GRM4: variants seen among roughly 807,000 people sequenced by gnomAD.
The protein encoded by GRM4 is glutamate metabotropic receptor 4, also known as metabotropic glutamate receptor 4.
A neutral mutation model predicts 81.7 loss-of-function variants in GRM4; 28 were observed. That is an observed-to-expected ratio of 0.34 (90% CI 0.25 to 0.47). The LOEUF is 0.47. Among genes scored for constraint, GRM4 ranks in the 20% least tolerant of loss-of-function variants. GRM4 has a pLI of 1.00. For synonymous variants in GRM4, 488 were observed against 528.8 expected (o/e 0.92, Z 1.06); for missense variants, 948 against 1,290.0 (o/e 0.73, Z 4.06).
intron 2 of GRM4, among the ~76,000 whole-genome samples, chr6:34,095,468 TC>T (rs139430818): frequency 0.22 from 34,153 of 152,062 alleles, 4,595 homozygotes; most frequent in Admixed American, 0.31. Flanking sequence ...TTACTTCACC[TC>T]CCCGGCCTCA....
At chr6:34,029,399 C>A (rs181095448) in intron 9 of GRM4, among the ~76,000 whole-genome samples, 10 of 152,316 alleles carry the variant, frequency 6.6e-5, no homozygotes, top group Admixed American at 4.6e-4. Flanking sequence ...CAGGTCTGGA[C>A]TTGTTTCCTG....
At chr6:34,028,938 G>C (rs1040973732) in intron 9 of GRM4, among the ~76,000 whole-genome samples, 1 of 152,210 alleles carries the variant, frequency 6.6e-6, no homozygotes, top group Admixed American at 6.5e-5. Context: ...CACCCATCGC[G>C]ATATGGTGGT....
rs1352881206 is a variant in GRM4, at chr6:34,134,953, C to A, written c.-363-1094G>T. Among the ~76,000 whole-genome samples, 5 of 152,366 alleles carry A rather than the reference C, an allele frequency of 3.3e-5. No individual in the cohort carries two copies. In the East Asian group the frequency reaches 9.6e-4, roughly 29 times the overall value. On this transcript the variant is annotated intron_variant, in intron 1 of 10. Coordinates refer to ENST00000538487, the MANE Select transcript of GRM4 (RefSeq NM_000841.4). ...TCCCCACTCAAAGCCAGCAACCTCC[C>A]TCCCCACCACTTAGGAGGCCACAGG...
Position 34,022,830 on chromosome 6 carries a change from A to G in GRM4, c.2730T>C (p.His910=), listed in dbSNP as rs746291365. 14 of 1,613,770 alleles carry G rather than the reference A, an allele frequency of 8.7e-6. No individual in the cohort carries two copies. Among genetic ancestry groups the G allele is most frequent in the Non-Finnish European group, 1.2e-5 (14 of 1,179,774 alleles). Residue 910 remains histidine (H), a synonymous_variant, in exon 11 of 11, where the codon CAT becomes CAC. Coordinates refer to ENST00000538487, the MANE Select transcript of GRM4 (RefSeq NM_000841.4). This position sits in a 1 kb window ranked among gnomAD's most constrained non-coding sequence, Gnocchi z 5.6. ...TKQTYVTYTN[H]AI is the part of the protein sequence containing the mutation. Reference sequence around the variant, plus strand: ...CAGCTCCATGGACTCGCTAGATTGCATGGTTGGTGTAAGTGACGTAAGTCT... The same window carrying G: ...CAGCTCCATGGACTCGCTAGATTGCGTGGTTGGTGTAAGTGACGTAAGTCT...
At chr6:34,110,992 C>G in intron 2 of GRM4, 1 of 474,110 alleles carries the variant, frequency 2.1e-6, no homozygotes, top group Non-Finnish European at 3.2e-6. Flanking sequence ...GGAGACAGGG[C>G]TCCCCATGGG....
chr6:34,028,420 G>T, intron 9 of GRM4, 54 bp from the exon 10 acceptor site: 1 of 1,566,490 alleles, frequency 6.4e-7, no homozygotes, highest in South Asian at 1.1e-5. Flanking sequence ...TGAGGGCCCT[G>T]ACTCCCGCCA....
intron 2 of GRM4, among the ~76,000 whole-genome samples, chr6:34,112,202 GTTAT>G (rs1769411242): frequency 6.6e-6 from 1 of 152,138 alleles, no homozygotes; most frequent in Non-Finnish European, 1.5e-5. Flanking sequence ...CTTAATGAAG[GTTAT>G]TTATCCAACG....
At chr6:34,107,247 C>T (rs551663436) in intron 2 of GRM4, among the ~76,000 whole-genome samples, 1 of 152,200 alleles carries the variant, frequency 6.6e-6, no homozygotes, top group South Asian at 2.1e-4. Flanking sequence ...GGAAGGGGCC[C>T]ACATACAGGT....
At chr6:34,039,694 A>G (rs563920479) in intron 8 of GRM4, among the ~76,000 whole-genome samples, 21 of 152,268 alleles carry the variant, frequency 1.4e-4, no homozygotes, top group Admixed American at 1.2e-3. Flanking sequence ...GGAACTGGCA[A>G]CTGGCTCACT....
At position 34,059,160 on chromosome 6, in the gene GRM4, G is replaced by A. The variant is rs776395572; in HGVS notation, c.873-32C>T. ...GAACATACACCAGCCCAGCCCAGCCGCGTCTGTCCACGAAACTGCCCCCAC... is the reference window on the plus strand; with the variant it reads ...GAACATACACCAGCCCAGCCCAGCCACGTCTGTCCACGAAACTGCCCCCAC... On this transcript the variant is annotated intron_variant, in intron 4 of 10. Coordinates refer to ENST00000538487, the MANE Select transcript of GRM4 (RefSeq NM_000841.4). The surrounding 1 kb of genome is among the most constrained non-coding windows in gnomAD (Gnocchi z 5.7). 1.2e-5 allele frequency: 19 copies of A among 1,609,258 alleles called. No homozygotes were observed. The highest frequency in any genetic ancestry group is 2.2e-5 in the East Asian group (1 of 44,838).
intron 3 of GRM4, among the ~76,000 whole-genome samples, chr6:34,067,422 G>A (rs1211908104): frequency 3.0e-4 from 15 of 50,378 alleles, no homozygotes; most frequent in Non-Finnish European, 3.4e-4. Flanking sequence ...CCCTCCCTCC[G>A]TCCTTCCCTC....
chr6:34,117,019 A>AT (rs1392007140), intron 2 of GRM4, among the ~76,000 whole-genome samples: 1 of 152,244 alleles, frequency 6.6e-6, no homozygotes, highest in African/African-American at 2.4e-5. Context: ...AGGAAAGGAT[A>AT]TTAACTAGGA....
rs1367979522 is a variant in GRM4, at chr6:34,064,583, C to T, written c.737-2555G>A. 1.3e-5 allele frequency among the ~76,000 whole-genome samples: 2 copies of T among 152,190 alleles called. No individual in the cohort carries two copies. Among genetic ancestry groups the T allele is most frequent in the Non-Finnish European group, 2.9e-5 (2 of 68,022 alleles). On this transcript the variant is annotated intron_variant, in intron 3 of 10. Coordinates refer to ENST00000538487, the MANE Select transcript of GRM4 (RefSeq NM_000841.4). This position sits in a 1 kb window ranked among gnomAD's most constrained non-coding sequence, Gnocchi z 4.4. ...TGTTGCTGCCCCCAGGATGAGAAAC[C>T]AAGTGCCCGTGGGTTCCCTCTGTTT...
Position 34,119,649 on chromosome 6 carries a change from GC to G in GRM4, c.519+13328del, listed in dbSNP as rs111577112. ...CTGTCCTGCAGAGACGTGCAAAGTG[GC>G]CCATGCAGAGACTTCCACCGCAGTT... On this transcript the variant is annotated intron_variant, in intron 2 of 10. Coordinates refer to ENST00000538487, the MANE Select transcript of GRM4 (RefSeq NM_000841.4). 2.4e-3 allele frequency among the ~76,000 whole-genome samples: 365 copies of G among 152,344 alleles called. 1 individual carries two copies. The highest frequency in any genetic ancestry group is 8.3e-3 in the African/African-American group (346 of 41,574).
intron 9 of GRM4, among the ~76,000 whole-genome samples, chr6:34,029,697 C>A (rs1764318752): frequency 6.6e-6 from 1 of 152,176 alleles, no homozygotes; most frequent in Non-Finnish European, 1.5e-5. Flanking sequence ...ATGAGGGTAC[C>A]CCAAGCACAG....
intron 6 of GRM4, among the ~76,000 whole-genome samples, chr6:34,045,021 A>C (rs540208618): frequency 4.1e-4 from 63 of 152,008 alleles, no homozygotes; most frequent in Non-Finnish European, 7.5e-4. Context: ...ACACAGATAC[A>C]CACACACACC....
At chr6:34,131,937 C>G (rs998276009) in intron 2 of GRM4, among the ~76,000 whole-genome samples, 5 of 151,866 alleles carry the variant, frequency 3.3e-5, no homozygotes, top group African/African-American at 1.2e-4. Flanking sequence ...CTCTCCTCCC[C>G]TCCCTACACA....
chr6:34,120,793 A>G (rs939542028), intron 2 of GRM4, among the ~76,000 whole-genome samples: 2 of 152,106 alleles, frequency 1.3e-5, no homozygotes, highest in African/African-American at 4.8e-5. Flanking sequence ...ACAGGGTTTC[A>G]TTGTGTTAGC....
At chr6:34,119,232 C>T (rs750005493) in intron 2 of GRM4, among the ~76,000 whole-genome samples, 3 of 152,120 alleles carry the variant, frequency 2.0e-5, no homozygotes, top group Non-Finnish European at 4.4e-5. Context: ...CCCATCTCTA[C>T]TAAAAATACA....
Sources: allele counts gnomAD v4.1 joint callset (sites outside exome capture counted in the v4.1 genomes callset), GRCh38; gene constraint gnomAD v4.1.1; non-coding constraint Gnocchi (gnomAD v3.1); transcripts MANE v1.5; gene names NCBI Gene and HGNC (gene_info 2026-07-23, HGNC 2026-07-21).